CELF5: variants seen among roughly 807,000 people sequenced by gnomAD.
CELF5 encodes CUG-BP and ETR-3 like factor 5.
CELF5 carries 6 observed loss-of-function variants against 54.9 expected under a neutral mutation model. The observed-to-expected ratio is 0.11, with a 90% confidence interval of 0.06 to 0.22. The LOEUF (loss-of-function observed/expected upper bound fraction) is 0.22, where lower values mean the gene tolerates loss of function less well. Among genes scored for constraint, CELF5 ranks in the 10% least tolerant of loss-of-function variants. The pLI is 1.00. For missense variants in CELF5, 401 were observed against 678.6 expected, an observed-to-expected ratio of 0.59 and a Z score of 4.54; for synonymous variants, 271 against 290.9, an observed-to-expected ratio of 0.93 and a Z score of 0.70.
intron 1 of CELF5, among the ~76,000 whole-genome samples, chr19:3,239,673 C>G (rs1004252484): frequency 3.3e-5 from 5 of 151,972 alleles, no homozygotes; most frequent in African/African-American, 4.8e-5. Flanking sequence ...CCCAGCCATC[C>G]TTGCCTCCTC....
At chr19:3,236,631 C>T (rs913804138) in intron 1 of CELF5, among the ~76,000 whole-genome samples, 4 of 152,030 alleles carry the variant, frequency 2.6e-5, no homozygotes, top group African/African-American at 7.3e-5. Context: ...ATCGGTGCAT[C>T]GTAGGTGCTC....
At chr19:3,256,146 T>G (rs1050738302) in intron 2 of CELF5, among the ~76,000 whole-genome samples, 3 of 152,122 alleles carry the variant, frequency 2.0e-5, no homozygotes, top group Non-Finnish European at 4.4e-5. Context: ...CATCTTTAGT[T>G]TCTAAAAATT....
chr19:3,289,588 A>G (rs2080308050), intron 10 of CELF5, among the ~76,000 whole-genome samples: 1 of 146,554 alleles, frequency 6.8e-6, no homozygotes. Context: ...AGGCTGAGGC[A>G]GGAGAATTGC....
Position 3,293,377 on chromosome 19 carries a change from C to T in CELF5, c.1389C>T (p.Gly463=). 1.2e-6 allele frequency: 2 copies of T among 1,614,172 alleles called. No individual in the cohort carries two copies. Among genetic ancestry groups the T allele is most frequent in the Non-Finnish European group, 1.7e-6 (2 of 1,179,988 alleles). ...SAQAAIQAMN[G]FQIGMKRLKV... ...AGGCAGCCATCCAGGCCATGAACGG[C>T]TTCCAGATCGGCATGAAGAGGCTCA... The change falls in exon 12 of 13, where the codon GGC becomes GGT. Residue 463 remains glycine (G), a synonymous_variant. Coordinates refer to ENST00000292672, the MANE Select transcript of CELF5 (RefSeq NM_021938.4).
rs193130307 is a variant in CELF5, at chr19:3,248,456, T to C, written c.260-2529T>C. 1.3e-4 allele frequency among the ~76,000 whole-genome samples: 20 copies of C among 152,092 alleles called. 1 individual carries two copies. The highest frequency in any genetic ancestry group is 4.6e-4 in the African/African-American group (19 of 41,532). On this transcript the variant is annotated intron_variant, in intron 1 of 12. Coordinates refer to ENST00000292672, the MANE Select transcript of CELF5 (RefSeq NM_021938.4). Reference sequence around the variant, plus strand: ...ATCTGATGGCTCTGTGGTCCTCCTATGAAACCTCTGTCTGTCGTTTTGTGT... The same window carrying C: ...ATCTGATGGCTCTGTGGTCCTCCTACGAAACCTCTGTCTGTCGTTTTGTGT...
At position 3,273,951 on chromosome 19, in the gene CELF5, T is replaced by G. The variant is rs936196305; in HGVS notation, c.394+28T>G. 2.5e-6 allele frequency: 4 copies of G among 1,608,492 alleles called. No individual in the cohort carries two copies. In the African/African-American group the frequency reaches 4.0e-5, roughly 16 times the overall value. On this transcript the variant is annotated intron_variant, in intron 3 of 12. Transcript: ENST00000292672. ...TGTCATCTCTCCGTGGCTGCCAGGCTGGGGGTTGGCGGAGGAATGGGAGAA... is the reference window on the plus strand; with the variant it reads ...TGTCATCTCTCCGTGGCTGCCAGGCGGGGGGTTGGCGGAGGAATGGGAGAA...
chr19:3,236,844 G>T (rs536035561), intron 1 of CELF5, among the ~76,000 whole-genome samples: 1 of 151,824 alleles, frequency 6.6e-6, no homozygotes, highest in South Asian at 2.1e-4. Flanking sequence ...AACTAGCTGG[G>T]TGTGGTGGCG....
chr19:3,273,814 C>G, intron 2 of CELF5, 58 bp from the exon 3 acceptor site: 1 of 1,237,552 alleles, frequency 8.1e-7, no homozygotes, highest in South Asian at 1.2e-5. Flanking sequence ...GGCAAAACCC[C>G]CCGCCTGCCA....
In CELF5 at chr19:3,228,139, G is replaced by C. The variant is rs553417657; in HGVS notation, c.259+3141G>C. On this transcript the variant is annotated intron_variant, in intron 1 of 12. Coordinates refer to ENST00000292672, the MANE Select transcript of CELF5 (RefSeq NM_021938.4). The surrounding 1 kb of genome is among the most constrained non-coding windows in gnomAD (Gnocchi z 6.0). The stretch of plus-strand genomic sequence containing the variant: ...AGAGAGAGAGAGAGATGAGGACACA[G>C]AGAGAGAGAGAGAGACACGCAGGGA... Among the ~76,000 whole-genome samples, 28 of 146,922 alleles carry C rather than the reference G, an allele frequency of 1.9e-4. No homozygotes were observed. Among genetic ancestry groups the C allele is most frequent in the East Asian group, 1.4e-3 (7 of 5,164 alleles).
Position 3,278,701 on chromosome 19 carries a change from TTGTG to T in CELF5, c.603+598_603+601del, listed in dbSNP as rs1219038506. ...GGTTTGTGTGTGTGTGTGTGTGTGT[TTGTG>T]TGTGTGCATGACTGTGAGTGTGTCA... On this transcript the variant is annotated intron_variant, in intron 5 of 12. Transcript: ENST00000292672. The surrounding 1 kb of genome is among the most constrained non-coding windows in gnomAD (Gnocchi z 4.5). 8.6e-6 allele frequency among the ~76,000 whole-genome samples: 1 copy of T among 116,246 alleles called. No homozygotes were observed. The highest frequency in any genetic ancestry group is 2.2e-4 in the East Asian group (1 of 4,504). The allele number at this position is 116,246 out of a possible 152,430, so 76.3% of individuals were successfully genotyped here.
At chr19:3,261,460 C>T (rs1179080202) in intron 2 of CELF5, among the ~76,000 whole-genome samples, 1 of 151,528 alleles carries the variant, frequency 6.6e-6, no homozygotes, top group Non-Finnish European at 1.5e-5. Flanking sequence ...TGTGAGAGAA[C>T]AATATACACC....
intron 1 of CELF5, among the ~76,000 whole-genome samples, chr19:3,229,215 G>T (rs1376547789): frequency 6.6e-6 from 1 of 151,942 alleles, no homozygotes; most frequent in Non-Finnish European, 1.5e-5. Flanking sequence ...GAGTGGGCTA[G>T]ATGTTAATCC....
intron 1 of CELF5, among the ~76,000 whole-genome samples, chr19:3,235,730 A>ATGGG (rs1917557198): frequency 1.6e-5 from 1 of 63,806 alleles, no homozygotes; most frequent in South Asian, 5.6e-4. Context: ...GGATGGGTGG[A>ATGGG]TGGATGGATG....
chr19:3,266,953 C>T (rs2079890708), intron 2 of CELF5, among the ~76,000 whole-genome samples: 1 of 152,214 alleles, frequency 6.6e-6, no homozygotes, highest in Admixed American at 6.5e-5. Flanking sequence ...CACGTGCCTG[C>T]ACACGCCCGC....
chr19:3,294,930 T>C (rs1231997236), intron 12 of CELF5: 3 of 152,232 alleles, frequency 2.0e-5, no homozygotes, highest in Non-Finnish European at 4.4e-5. Flanking sequence ...TTGGAAAAGA[T>C]GGGAGCCCCT....
At chr19:3,250,850 C>A (rs1402175375) in intron 1 of CELF5, 135 bp from the exon 2 acceptor site, 1 of 638,962 alleles carries the variant, frequency 1.6e-6, no homozygotes, top group Non-Finnish European at 2.9e-6. Flanking sequence ...TGCGTGGATG[C>A]ACCAGGTTGT....
At chr19:3,260,407 A>G (rs1236998105) in intron 2 of CELF5, among the ~76,000 whole-genome samples, 1 of 152,064 alleles carries the variant, frequency 6.6e-6, no homozygotes, top group African/African-American at 2.4e-5. Flanking sequence ...AAATGCTGGG[A>G]TTACAGGCGT....
chr19:3,290,301 G>A lies in CELF5; in HGVS notation c.1257G>A (p.Met419Ile). The A allele has an allele frequency of 1.2e-6, 2 of 1,613,974 alleles. No homozygotes were observed. ...QEFGDTELTQ[M>I]FLPFGNIISS... ...TTGGAGACACGGAGCTGACGCAGAT[G>A]TTCCTACCCTTCGGCAATATCATTT... The change falls in exon 11 of 13, where the codon ATG (methionine) becomes ATA (isoleucine). Residue 419 changes from methionine to isoleucine, a missense_variant. This residue lies in a region of CELF5 where 59 missense variants were observed against 128.8 expected (regional missense o/e 0.46). Coordinates refer to ENST00000292672, the MANE Select transcript of CELF5 (RefSeq NM_021938.4).
At chr19:3,277,368 G>T (rs2080073354) in intron 4 of CELF5, among the ~76,000 whole-genome samples, 1 of 152,126 alleles carries the variant, frequency 6.6e-6, no homozygotes, top group Non-Finnish European at 1.5e-5. Flanking sequence ...AACTACTCGG[G>T]AGGTTGAGGA....
Sources: gnomAD v4.1 joint callset for allele counts (sites outside exome capture counted in the v4.1 genomes callset) on GRCh38, gnomAD v4.1.1 for gene constraint, gnomAD v4.1.1 regional missense constraint, Gnocchi (gnomAD v3.1) non-coding constraint, MANE v1.5 for transcripts, NCBI Gene and HGNC (gene_info 2026-07-23, HGNC 2026-07-21) for gene names.